CPNE2: variants seen among roughly 807,000 people sequenced by gnomAD.
CPNE2 encodes the protein copine-2.
CPNE2 carries 42 observed loss-of-function variants against 69.7 expected under a neutral mutation model. The observed-to-expected ratio is 0.60, with a 90% CI of 0.47 to 0.78. CPNE2 has a LOEUF of 0.78. Ranked by LOEUF, CPNE2 falls within the 30% of genes least tolerant of loss-of-function variation. CPNE2 has a pLI of 0.00. For missense variants in CPNE2, 587 were observed against 732.0 expected, an observed-to-expected ratio of 0.80 and a Z score of 2.29; for synonymous variants, 294 against 289.8, an observed-to-expected ratio of 1.01 and a Z score of -0.15.
At position 57,113,291 on chromosome 16, in the gene CPNE2, G is replaced by A. The variant is rs371959477; in HGVS notation, c.184G>A (p.Asp62Asn). The A allele has an allele frequency of 1.7e-5, 27 of 1,613,710 alleles. No individual in the cohort carries two copies. The highest frequency in any genetic ancestry group is 1.3e-4 in the East Asian group (6 of 44,882). The change falls in exon 3 of 16, where the codon GAC (aspartate) becomes AAC (asparagine). Residue 62 changes from aspartate (D) to asparagine (N), a missense_variant. Coordinates refer to ENST00000290776, the MANE Select transcript of CPNE2 (RefSeq NM_152727.6). ...TENNGRWIEY[D>N]RTETAINNLN... Reference sequence around the variant, plus strand: ...CATTTTCCTGCCCCTCTGCTAGTACGACAGGACAGAAACCGCGATCAACAA... The same window carrying A: ...CATTTTCCTGCCCCTCTGCTAGTACAACAGGACAGAAACCGCGATCAACAA...
At chr16:57,124,087 C>CT (rs1187084598) in intron 10 of CPNE2, 3,208 of 145,592 alleles carry the variant, frequency 0.022, 61 homozygotes, top group African/African-American at 0.059. Flanking sequence ...CTTTTCTTTT[C>CT]TTTTTTTTTT....
At chr16:57,127,740 C>T (rs1431846075) in intron 11 of CPNE2, 109 bp from the exon 12 acceptor site, 3 of 1,101,844 alleles carry the variant, frequency 2.7e-6, no homozygotes, top group African/African-American at 3.1e-5. Context: ...GTGAGCTCCT[C>T]CTTTCTGTCC....
intron 1 of CPNE2, among the ~76,000 whole-genome samples, chr16:57,104,002 C>T (rs893188762): frequency 3.3e-5 from 5 of 152,152 alleles, no homozygotes; most frequent in Admixed American, 3.3e-4. Flanking sequence ...TTGCAACCTC[C>T]GCCTCCCAGG....
intron 1 of CPNE2, among the ~76,000 whole-genome samples, chr16:57,100,180 C>T (rs1468406473): frequency 6.6e-6 from 1 of 152,170 alleles, no homozygotes. Context: ...GCTGGGATTA[C>T]AGGCATGAGT....
intron 1 of CPNE2, among the ~76,000 whole-genome samples, chr16:57,098,870 T>C (rs2069595205): frequency 6.6e-6 from 1 of 152,226 alleles, no homozygotes; most frequent in Non-Finnish European, 1.5e-5. Context: ...GCTGATATTG[T>C]AAGTGATTCC....
At chr16:57,110,552 T>C (rs2069674185) in intron 1 of CPNE2, 156 bp from the exon 2 acceptor site, 1 of 448,660 alleles carries the variant, frequency 2.2e-6, no homozygotes, top group Non-Finnish European at 4.0e-6. Flanking sequence ...GCATTCTTCT[T>C]TCTTCAAACC....
chr16:57,126,312 G>A (rs1321509482), intron 11 of CPNE2, among the ~76,000 whole-genome samples: 5 of 152,220 alleles, frequency 3.3e-5, no homozygotes, highest in Admixed American at 1.3e-4. Context: ...CTGGGGAATG[G>A]GAGGCCTGGG....
intron 1 of CPNE2, among the ~76,000 whole-genome samples, chr16:57,109,927 G>A (rs758172110): frequency 1.1e-4 from 17 of 152,170 alleles, no homozygotes; most frequent in South Asian, 2.1e-4. Flanking sequence ...CGCCTCTGAC[G>A]TTACCAGAAG....
intron 1 of CPNE2, among the ~76,000 whole-genome samples, chr16:57,094,432 A>C (rs1181591911): frequency 6.6e-6 from 1 of 152,106 alleles, no homozygotes; most frequent in Non-Finnish European, 1.5e-5. Flanking sequence ...ATGAGAATTA[A>C]AAACTGGGGC....
intron 3 of CPNE2, among the ~76,000 whole-genome samples, chr16:57,114,471 C>T (rs762196744): frequency 3.3e-5 from 5 of 152,150 alleles, no homozygotes; most frequent in Admixed American, 1.3e-4. Context: ...CCTGCTCTCC[C>T]GTCTCCTGCC....
intron 9 of CPNE2, among the ~76,000 whole-genome samples, chr16:57,122,700 C>A (rs866695305): frequency 1.3e-5 from 2 of 152,188 alleles, no homozygotes; most frequent in Non-Finnish European, 2.9e-5. Context: ...TCAAGGGATT[C>A]TCCTGCCTCA....
In CPNE2 at chr16:57,110,807, G is replaced by A. The variant is rs374492622; in HGVS notation, c.65G>A (p.Cys22Tyr). The change falls in exon 2 of 16, where the codon TGC (cysteine) becomes TAC (tyrosine). Residue 22 changes from cysteine (C) to tyrosine (Y), a missense_variant. Around this residue, in one of 5 missense-constraint regions of CPNE2, gnomAD observed 96 missense variants for 94.9 expected, o/e 1.01. Coordinates refer to ENST00000290776, the MANE Select transcript of CPNE2 (RefSeq NM_152727.6). The part of the protein sequence containing the change: ...AGAAPMGPQY[C>Y]VCKVELSVSG... ...GCAGCCCCCATGGGCCCCCAGTATT[G>A]CGTGTGCAAGGTGGAGCTGTCAGTG... 8.7e-6 allele frequency: 14 copies of A among 1,613,956 alleles called. No individual in the cohort carries two copies. Among genetic ancestry groups the A allele is most frequent in the African/African-American group, 1.3e-5 (1 of 75,052 alleles).
At chr16:57,114,712 G>T (rs2069705223) in intron 3 of CPNE2, among the ~76,000 whole-genome samples, 1 of 152,150 alleles carries the variant, frequency 6.6e-6, no homozygotes. Flanking sequence ...ACAGGTGGGA[G>T]GGTGACTTTG....
intron 1 of CPNE2, among the ~76,000 whole-genome samples, chr16:57,097,918 G>A (rs1219756348): frequency 6.6e-6 from 1 of 152,240 alleles, no homozygotes; most frequent in Admixed American, 6.5e-5. Flanking sequence ...CTGGGAGGCC[G>A]GAGGGGAAGG....
intron 1 of CPNE2, among the ~76,000 whole-genome samples, chr16:57,101,885 G>A (rs1347822225): frequency 1.1e-4 from 17 of 152,048 alleles, no homozygotes; most frequent in Non-Finnish European, 1.0e-4. Flanking sequence ...ACAGGCCTAC[G>A]GGCACCACTC....
Position 57,127,856 on chromosome 16 carries a change from A to C in CPNE2, c.1069A>C (p.Met357Leu). The C allele has an allele frequency of 6.2e-7, 1 of 1,613,028 alleles. No individual in the cohort carries two copies. ...TCTTCTCTCTCTGATTAGTGATAAG[A>C]TGTTTCCAGCTCTGGGATTCGGGGC... is the stretch of plus-strand genomic sequence containing the variant. ...QIIQDYDSDK[M>L]FPALGFGAQL... is the part of the protein sequence containing the mutation. The change falls in exon 12 of 16, where the codon ATG (methionine) becomes CTG (leucine). Residue 357 changes from methionine to leucine, a missense_variant. Met to Leu is a conservative substitution (Grantham distance 15). This residue lies in a region of CPNE2 where 269 missense variants were observed against 300.5 expected (regional missense o/e 0.90). Transcript: ENST00000290776.
chr16:57,099,932 G>A (rs1378643642), intron 1 of CPNE2, among the ~76,000 whole-genome samples: 1 of 151,892 alleles, frequency 6.6e-6, no homozygotes, highest in Non-Finnish European at 1.5e-5. Flanking sequence ...CGTGCACCAC[G>A]CCCAGCTAAT....
intron 2 of CPNE2, among the ~76,000 whole-genome samples, chr16:57,111,627 G>A (rs1433871518): frequency 2.6e-5 from 4 of 152,256 alleles, no homozygotes; most frequent in African/African-American, 9.6e-5. Flanking sequence ...AAGGCCCAGT[G>A]ATGCTACTCC....
At chr16:57,096,759 G>T (rs1024293131) in intron 1 of CPNE2, among the ~76,000 whole-genome samples, 12 of 150,912 alleles carry the variant, frequency 8.0e-5, no homozygotes, top group Non-Finnish European at 1.5e-4. Context: ...TGCAGGAGTT[G>T]TCTGCTGGGA....
Sources: allele counts gnomAD v4.1 joint callset (sites outside exome capture counted in the v4.1 genomes callset), GRCh38; gene constraint gnomAD v4.1.1; regional missense constraint gnomAD v4.1.1; transcripts MANE v1.5; gene names NCBI Gene and HGNC (gene_info 2026-07-23, HGNC 2026-07-21).